Variants in LRP1B observed in about 807,000 individuals in gnomAD.
LRP1B encodes LDL receptor related protein 1B.
In LRP1B, 217 loss-of-function variants were observed where a neutral mutation model predicts 556.6. The ratio of observed to expected loss-of-function variants is 0.39; its 90% CI spans 0.35 to 0.44. The LOEUF (loss-of-function observed/expected upper bound fraction) is 0.44. Ranked by LOEUF, LRP1B falls within the 20% of genes least tolerant of loss-of-function variation. LRP1B has a pLI of 1.00. For synonymous variants in LRP1B, 2,047 were observed against 1,865.8 expected (o/e 1.10, Z -2.50); for missense variants, 5,053 against 5,620.8 (o/e 0.90, Z 3.23).
chr2:140,898,217 T>C (rs1001145101), intron 23 of LRP1B, among the ~76,000 whole-genome samples: 2 of 152,166 alleles, frequency 1.3e-5, no homozygotes, highest in African/African-American at 2.4e-5. Flanking sequence ...CCATACTTCA[T>C]TGAGCCTAAG....
intron 32 of LRP1B, among the ~76,000 whole-genome samples, chr2:140,790,147 C>A (rs556620257): frequency 2.6e-5 from 4 of 152,136 alleles, no homozygotes; most frequent in African/African-American, 9.7e-5. Context: ...AATGCAACCT[C>A]CATGAAGGCG....
intron 2 of LRP1B, among the ~76,000 whole-genome samples, chr2:141,708,004 C>T (rs1241193996): frequency 6.6e-6 from 1 of 152,048 alleles, no homozygotes; most frequent in African/African-American, 2.4e-5. Flanking sequence ...TTTGAAATAT[C>T]AAAGAAAAGT....
At chr2:140,803,290 T>TTTTTTTTTTTTTTTTCC (rs869303438) in intron 32 of LRP1B, among the ~76,000 whole-genome samples, 1 of 115,262 alleles carries the variant, frequency 8.7e-6, no homozygotes, top group Admixed American at 9.2e-5. Flanking sequence ...TTTTTTTTTT[T>TTTTTTTTTTTTTTTTCC]CCGAGATGGA....
rs551260228 is a variant in LRP1B at position 141,107,601 on chromosome 2, G to A, written c.1014-45328C>T. On this transcript the variant is annotated intron_variant, in intron 7 of 90. Coordinates refer to ENST00000389484, the MANE Select transcript of LRP1B (RefSeq NM_018557.3). ...GTGGAGGTTGCAGTGAGCTGAGATC[G>A]CGCCACTGCACTCCAGCCTGGCAAC... 4.6e-5 allele frequency among the ~76,000 whole-genome samples: 7 copies of A among 152,200 alleles called. No homozygotes were observed. In the East Asian group the frequency reaches 5.8e-4, roughly 13 times the overall value.
At chr2:140,907,814 C>T (rs2105231275) in intron 22 of LRP1B, 63 bp downstream of exon 22, 6 of 1,381,294 alleles carry the variant, frequency 4.3e-6, no homozygotes, top group South Asian at 2.3e-5. Flanking sequence ...TATTAAGTAA[C>T]AGCAACTGAA....
At chr2:140,302,888 C>T (rs572076155) in intron 83 of LRP1B, among the ~76,000 whole-genome samples, 24 of 151,612 alleles carry the variant, frequency 1.6e-4, no homozygotes, top group African/African-American at 4.6e-4. Context: ...CTTAGTTCTC[C>T]GATTTTTAGA....
chr2:141,219,481 C>A (rs1682947404), intron 6 of LRP1B, among the ~76,000 whole-genome samples: 1 of 152,192 alleles, frequency 6.6e-6, no homozygotes, highest in Non-Finnish European at 1.5e-5. Context: ...GAAGGTGTGA[C>A]CGTGATCTTG....
chr2:140,293,492 T>C (rs1683480242), intron 84 of LRP1B, among the ~76,000 whole-genome samples: 1 of 152,196 alleles, frequency 6.6e-6, no homozygotes, highest in Admixed American at 6.5e-5. Context: ...GGACTTTATA[T>C]TGCTATTAGA....
At chr2:141,586,046 A>T (rs1268055316) in intron 2 of LRP1B, among the ~76,000 whole-genome samples, 1 of 152,178 alleles carries the variant, frequency 6.6e-6, no homozygotes, top group East Asian at 1.9e-4. Flanking sequence ...ATGGGCTTTG[A>T]TGCAACATAA....
rs1302065919 is a variant in LRP1B at position 140,525,874 on chromosome 2, C to T, written c.7996G>A (p.Gly2666Arg). Residue 2666 changes from glycine (G) to arginine (R), a missense_variant, in exon 49 of 91, where the codon GGA becomes AGA. By Grantham distance (125) the Gly-to-Arg change is moderately radical. Transcript: ENST00000389484. ...CACTTTAATTCATCTGAATAGTCTC[C>T]ACAGTCATTAGACCCGTCGCATATC... Reference protein sequence around the residue: ...TWICDGSNDCGDYSDELKCPV... With the variant: ...TWICDGSNDCRDYSDELKCPV... The T allele has an allele frequency of 3.7e-6, 6 of 1,612,118 alleles. No homozygotes were observed. The highest frequency in any genetic ancestry group is 5.1e-6 in the Non-Finnish European group (6 of 1,178,754).
chr2:141,165,918 A>T (rs1156262697), intron 7 of LRP1B, among the ~76,000 whole-genome samples: 1 of 152,048 alleles, frequency 6.6e-6, no homozygotes, highest in Non-Finnish European at 1.5e-5. Flanking sequence ...AGCTATTTCC[A>T]ATAAAGTAAA....
intron 2 of LRP1B, among the ~76,000 whole-genome samples, chr2:141,715,285 T>C (rs953773960): frequency 2.2e-4 from 33 of 151,650 alleles, no homozygotes; most frequent in Non-Finnish European, 1.3e-4. Flanking sequence ...CTGGGCAATA[T>C]AGTGAGACCC....
chr2:141,031,525 T>G (rs1252480163), intron 11 of LRP1B, among the ~76,000 whole-genome samples: 1 of 151,956 alleles, frequency 6.6e-6, no homozygotes, highest in Non-Finnish European at 1.5e-5. Context: ...CTGGGTAGTT[T>G]CAAATCAAAA....
chr2:141,074,534 T>C (rs1008484988), intron 7 of LRP1B, among the ~76,000 whole-genome samples: 1 of 150,286 alleles, frequency 6.7e-6, no homozygotes, highest in African/African-American at 2.4e-5. Flanking sequence ...GCCATATGTC[T>C]GCACATACTA....
intron 2 of LRP1B, among the ~76,000 whole-genome samples, chr2:141,778,458 A>G (rs962507073): frequency 5.9e-5 from 9 of 152,182 alleles, no homozygotes; most frequent in African/African-American, 1.9e-4. Context: ...CTCTCTCACT[A>G]AACTGCCTGC....
chr2:141,196,093 A>G (rs1241863285), intron 6 of LRP1B, among the ~76,000 whole-genome samples: 2 of 152,050 alleles, frequency 1.3e-5, no homozygotes, highest in Non-Finnish European at 2.9e-5. Context: ...TATGTAAACT[A>G]TGGTCAGGGG....
intron 2 of LRP1B, among the ~76,000 whole-genome samples, chr2:141,594,906 C>T (rs1687465415): frequency 6.6e-6 from 1 of 152,048 alleles, no homozygotes; most frequent in Non-Finnish European, 1.5e-5. Flanking sequence ...CCTGTAATTT[C>T]TAGTTTTCCT....
chr2:141,463,641 ATATATT>A (rs1682034725), intron 3 of LRP1B, among the ~76,000 whole-genome samples: 3 of 124,378 alleles, frequency 2.4e-5, no homozygotes, highest in African/African-American at 1.1e-4. Context: ...ATTATATATT[ATATATT>A]ATATATAATT....
chr2:141,572,781 AG>A (rs1282296552), intron 2 of LRP1B, among the ~76,000 whole-genome samples: 1 of 152,130 alleles, frequency 6.6e-6, no homozygotes, highest in African/African-American at 2.4e-5. Context: ...AAACAAAAAA[AG>A]CAGGGGTTGC....
Sources: allele counts gnomAD v4.1 joint callset (sites outside exome capture counted in the v4.1 genomes callset), GRCh38; gene constraint gnomAD v4.1.1; transcripts MANE v1.5; gene names NCBI Gene and HGNC (gene_info 2026-07-23, HGNC 2026-07-21).